The following ADGRL3 variants were observed in gnomAD, a reference collection of about 807,000 sequenced individuals.
ADGRL3 encodes the protein calcium-independent alpha-latrotoxin receptor 3.
Under a neutral mutation model 153.5 loss-of-function variants are expected in ADGRL3, and 62 were observed. The observed-to-expected ratio is 0.40, with a 90% CI of 0.33 to 0.50. The LOEUF (loss-of-function observed/expected upper bound fraction) is 0.50. Ranked by LOEUF, ADGRL3 falls within the 20% of genes least tolerant of loss-of-function variation. ADGRL3 has a pLI of 0.47. For synonymous variants in ADGRL3, 710 were observed against 672.5 expected (o/e 1.06, Z -0.86); for missense variants, 1,641 against 1,859.4 (o/e 0.88, Z 2.16).
At chr4:61,537,206 G>A (rs1364008833) in intron 4 of ADGRL3, among the ~76,000 whole-genome samples, 1 of 150,798 alleles carries the variant, frequency 6.6e-6, no homozygotes, top group East Asian at 1.9e-4. Context: ...TCTAAAAAGA[G>A]ACCCTCAATC....
At chr4:61,331,464 TAC>T (rs2095571619) in intron 1 of ADGRL3, among the ~76,000 whole-genome samples, 1 of 152,190 alleles carries the variant, frequency 6.6e-6, no homozygotes, top group African/African-American at 2.4e-5. Context: ...TAAAAATTTT[TAC>T]ACAGTTTCCT....
At chr4:61,600,385 G>A (rs939569871) in intron 5 of ADGRL3, among the ~76,000 whole-genome samples, 3 of 145,184 alleles carry the variant, frequency 2.1e-5, no homozygotes, top group Non-Finnish European at 4.5e-5. Flanking sequence ...AGAAAAAGTT[G>A]TCTCCTGGAG....
intron 1 of ADGRL3, among the ~76,000 whole-genome samples, chr4:61,235,448 T>C (rs1752444016): frequency 6.6e-6 from 1 of 152,222 alleles, no homozygotes; most frequent in Non-Finnish European, 1.5e-5. Context: ...AATGATACTG[T>C]AGTGTATTAG....
At chr4:61,248,946 A>G (rs1232005092) in intron 1 of ADGRL3, among the ~76,000 whole-genome samples, 2 of 152,212 alleles carry the variant, frequency 1.3e-5, no homozygotes, top group East Asian at 1.9e-4. Context: ...CTACGTGCAC[A>G]GCATAAAGCT....
intron 15 of ADGRL3, among the ~76,000 whole-genome samples, chr4:61,939,327 A>C (rs964681396): frequency 1.3e-5 from 2 of 152,206 alleles, no homozygotes; most frequent in Non-Finnish European, 2.9e-5. Flanking sequence ...ATAATTTTAT[A>C]ATATCACAAA....
chr4:61,733,624 GT>G (rs2096470086), intron 8 of ADGRL3, 70 bp downstream of exon 8: 1 of 1,149,842 alleles, frequency 8.7e-7, no homozygotes, highest in Admixed American at 2.6e-5. Flanking sequence ...TTCATTTTAT[GT>G]TTTTATTAAA....
intron 5 of ADGRL3, among the ~76,000 whole-genome samples, chr4:61,651,861 C>T (rs1417620939): frequency 6.6e-6 from 1 of 151,262 alleles, no homozygotes; most frequent in Admixed American, 6.6e-5. Flanking sequence ...AGTGATCTGC[C>T]TGCCTTGCCT....
chr4:61,432,334 C>T (rs1053598347), intron 2 of ADGRL3, among the ~76,000 whole-genome samples: 9 of 152,110 alleles, frequency 5.9e-5, no homozygotes, highest in Non-Finnish European at 7.4e-5. Flanking sequence ...CATACTTCTG[C>T]CATGCAGTTA....
At chr4:61,378,562 A>T (rs2096631559) in intron 1 of ADGRL3, among the ~76,000 whole-genome samples, 1 of 152,016 alleles carries the variant, frequency 6.6e-6, no homozygotes, top group African/African-American at 2.4e-5. Context: ...TGTACAGGGG[A>T]TCACATTAGC....
chr4:61,765,401 G>A (rs2152251216), intron 8 of ADGRL3, among the ~76,000 whole-genome samples: 1 of 151,914 alleles, frequency 6.6e-6, no homozygotes, highest in South Asian at 2.1e-4. Context: ...TCTGAGAAGG[G>A]AAAGTGGTAA....
At chr4:61,564,282 T>TTG (rs2098807927) in intron 4 of ADGRL3, among the ~76,000 whole-genome samples, 3 of 151,808 alleles carry the variant, frequency 2.0e-5, no homozygotes, top group Non-Finnish European at 4.4e-5. Flanking sequence ...TTGGTTGGTT[T>TTG]GTTTGTTTTT....
At chr4:61,623,580 G>A (rs1218202299) in intron 5 of ADGRL3, among the ~76,000 whole-genome samples, 2 of 152,044 alleles carry the variant, frequency 1.3e-5, no homozygotes, top group Admixed American at 6.6e-5. Flanking sequence ...TTCAAGAACT[G>A]ATTCAGTCTC....
chr4:61,475,466 A>C (rs1056852526), intron 2 of ADGRL3, among the ~76,000 whole-genome samples: 1 of 152,154 alleles, frequency 6.6e-6, no homozygotes, highest in Non-Finnish European at 1.5e-5. Context: ...TGAAGTACAT[A>C]AGAAACAGTT....
At chr4:61,219,981 G>A (rs1268120527) in intron 1 of ADGRL3, among the ~76,000 whole-genome samples, 1 of 151,924 alleles carries the variant, frequency 6.6e-6, no homozygotes, top group East Asian at 1.9e-4. Flanking sequence ...GGTGGCGGGC[G>A]CCTGTAACCA....
chr4:61,343,329 T>C (rs778469280), intron 1 of ADGRL3, among the ~76,000 whole-genome samples: 5 of 152,242 alleles, frequency 3.3e-5, no homozygotes, highest in Non-Finnish European at 7.3e-5. Flanking sequence ...ATAATGTCAA[T>C]ATTGTCAATA....
At chr4:61,438,030 T>G (rs2152451913) in intron 2 of ADGRL3, among the ~76,000 whole-genome samples, 1 of 152,298 alleles carries the variant, frequency 6.6e-6, no homozygotes, top group Non-Finnish European at 1.5e-5. Context: ...CAGGTTTGTG[T>G]ACCTTGTTTT....
At chr4:61,336,502 T>C (rs999277070) in intron 1 of ADGRL3, among the ~76,000 whole-genome samples, 1 of 119,950 alleles carries the variant, frequency 8.3e-6, no homozygotes, top group Non-Finnish European at 2.0e-5. Flanking sequence ...GTCTATCTGT[T>C]TGGGCTTTTC....
intron 13 of ADGRL3, among the ~76,000 whole-genome samples, chr4:61,931,334 T>A (rs1037544870): frequency 1.3e-5 from 2 of 152,302 alleles, no homozygotes; most frequent in Admixed American, 6.5e-5. Context: ...TTATCAGACA[T>A]GAAATGTGCT....
chr4:61,984,018 A>G (rs2099077237), intron 19 of ADGRL3, among the ~76,000 whole-genome samples: 2 of 152,192 alleles, frequency 1.3e-5, no homozygotes, highest in South Asian at 4.1e-4. Context: ...TGTCATCAAC[A>G]GAAAGAGTAT....
Sources: gnomAD v4.1 joint callset for allele counts (sites outside exome capture counted in the v4.1 genomes callset) on GRCh38, gnomAD v4.1.1 for gene constraint, MANE v1.5 for transcripts, NCBI Gene and HGNC (gene_info 2026-07-23, HGNC 2026-07-21) for gene names.